The following AHDC1 variants were observed in gnomAD, a reference collection of about 807,000 sequenced individuals.
The protein encoded by AHDC1 is transcription factor Gibbin.
A neutral mutation model predicts 87.9 loss-of-function variants in AHDC1; 7 were observed. The ratio of observed to expected loss-of-function variants is 0.08; its 90% CI spans 0.05 to 0.15. The LOEUF is 0.15. Ranked by LOEUF, AHDC1 falls within the 10% of genes least tolerant of loss-of-function variation. AHDC1 has a pLI of 1.00. For missense variants in AHDC1, 1,841 were observed against 2,253.2 expected, an observed-to-expected ratio of 0.82 and a Z score of 3.70; for synonymous variants, 1,051 against 1,006.8, an observed-to-expected ratio of 1.04 and a Z score of -0.83.
rs2020080665 is a variant in AHDC1 at position 27,561,496 on chromosome 1, G to A, written c.-628-2613C>T. On this transcript the variant is annotated intron_variant, in intron 3 of 8. Coordinates refer to ENST00000673934, the MANE Select transcript of AHDC1 (RefSeq NM_001371928.1). The surrounding 1 kb of genome is among the most constrained non-coding windows in gnomAD (Gnocchi z 4.2). ...GCTGCTGGGAGGCAGAGGACAGTGTGGTGGGGGGAACACAGCAAGGAGGGG... is the reference window on the plus strand; with the variant it reads ...GCTGCTGGGAGGCAGAGGACAGTGTAGTGGGGGGAACACAGCAAGGAGGGG... 6.6e-6 allele frequency among the ~76,000 whole-genome samples: 1 copy of A among 152,220 alleles called. No individual in the cohort carries two copies. The highest frequency in any genetic ancestry group is 6.5e-5 in the Admixed American group (1 of 15,284).
At position 27,590,684 on chromosome 1, in the gene AHDC1, A is replaced by C. The variant is rs1322406542; in HGVS notation, c.-629+12713T>G. 6.6e-6 allele frequency among the ~76,000 whole-genome samples: 1 copy of C among 152,130 alleles called. No homozygotes were observed. Among genetic ancestry groups the C allele is most frequent in the Non-Finnish European group, 1.5e-5 (1 of 68,024 alleles). On this transcript the variant is annotated intron_variant, in intron 3 of 8. Transcript: ENST00000673934. The surrounding 1 kb of genome is among the most constrained non-coding windows in gnomAD (Gnocchi z 5.4). Reference sequence around the variant, plus strand: ...GCTGAGAGGCATCAGGAGAGGATTTAAGGTCCAAAGTTGGGGAAACTGAGG... The same window carrying C: ...GCTGAGAGGCATCAGGAGAGGATTTCAGGTCCAAAGTTGGGGAAACTGAGG...
Position 27,551,086 on chromosome 1 carries a change from G to A in AHDC1, c.1030C>T (p.Pro344Ser), listed in dbSNP as rs1329492781. ...LDPLPKLLDV[P>S]GRRLEPQQPL... ...TGCTGGGGCTCCAGACGGCGACCTG[G>A]GACGTCAAGCAGCTTGGGCAGGGGG... The change falls in exon 8 of 9, where the codon CCA becomes TCA. Residue 344 changes from proline (P) to serine (S), a missense_variant. Coordinates refer to ENST00000673934, the MANE Select transcript of AHDC1 (RefSeq NM_001371928.1). 9.6e-6 allele frequency: 15 copies of A among 1,566,920 alleles called. No individual in the cohort carries two copies. Among genetic ancestry groups the A allele is most frequent in the Non-Finnish European group, 1.3e-5 (15 of 1,156,594 alleles).
chr1:27,553,504 G>A (rs1032728147), intron 5 of AHDC1: 5 of 152,202 alleles, frequency 3.3e-5, no homozygotes, highest in Admixed American at 2.6e-4. Flanking sequence ...CCTGAGGTCA[G>A]AGCAATCACA....
chr1:27,591,783 G>T lies in AHDC1; in HGVS notation c.-629+11614C>A, dbSNP rs150608489. On this transcript the variant is annotated intron_variant, in intron 3 of 8. Transcript: ENST00000673934. ...AGTCCTGTGCCTTTTCTCAGCCTCA[G>T]ATTCCCCATCTGTAAAATGGGGTAA... Among the ~76,000 whole-genome samples, 64 of 152,328 alleles carry T rather than the reference G, an allele frequency of 4.2e-4. 1 individual carries two copies. The highest frequency in any genetic ancestry group is 1.5e-3 in the African/African-American group (61 of 41,562).
rs1001599664 is a variant in AHDC1, at chr1:27,598,607, T to C, written c.-629+4790A>G. On this transcript the variant is annotated intron_variant, in intron 3 of 8. Transcript: ENST00000673934. The surrounding 1 kb of genome is among the most constrained non-coding windows in gnomAD (Gnocchi z 4.2). ...TGGTCCCAGTTCCAGGCATGAGGGGTTGTTCTTGCCAACTGCACTGGGGCC... is the reference window on the plus strand; with the variant it reads ...TGGTCCCAGTTCCAGGCATGAGGGGCTGTTCTTGCCAACTGCACTGGGGCC... Among the ~76,000 whole-genome samples the C allele has an allele frequency of 1.3e-5, 2 of 151,958 alleles. No individual in the cohort carries two copies. Among genetic ancestry groups the C allele is most frequent in the Admixed American group, 6.5e-5 (1 of 15,268 alleles).
In AHDC1 at chr1:27,547,258, C is replaced by T; in HGVS notation, c.*43+3G>A. 1 of 1,505,682 alleles carries T rather than the reference C, an allele frequency of 6.6e-7. No homozygotes were observed. The highest frequency in any genetic ancestry group is 1.3e-5 in the South Asian group (1 of 74,752). The allele number at this position is 1,505,682 out of a possible 1,614,324, so 93.3% of individuals were successfully genotyped here. On this transcript the variant is annotated splice_donor_region_variant and intron_variant, in intron 8 of 8. Transcript: ENST00000673934. The surrounding 1 kb of genome is among the most constrained non-coding windows in gnomAD (Gnocchi z 4.9). The stretch of plus-strand genomic sequence containing the variant: ...CCCACTGCGCCCACATCCCCAGACT[C>T]ACCCAGGAACAAAACCTCGCGGTCC...
chr1:27,585,524 A>T (rs2148452917), intron 3 of AHDC1, among the ~76,000 whole-genome samples: 1 of 152,348 alleles, frequency 6.6e-6, no homozygotes, highest in Admixed American at 6.5e-5. Flanking sequence ...AATAAATAAA[A>T]GTTGAGCTCC....
rs201877251 is a variant in AHDC1 at position 27,548,066 on chromosome 1, G to A, written c.4050C>T (p.Asn1350=). Residue 1350 remains asparagine (N), a synonymous_variant, in exon 8 of 9, where the codon AAC becomes AAT. Coordinates refer to ENST00000673934, the MANE Select transcript of AHDC1 (RefSeq NM_001371928.1). ...AGGTGCCATCGGAAGGCGTGGACGG[G>A]TTCATGGAGTAGGGTCCTATGAAGT... The part of the protein sequence containing the change: ...PCDFIGPYSM[N]PSTPSDGTFG... 267 of 1,613,972 alleles carry A rather than the reference G, an allele frequency of 1.7e-4. No individual in the cohort carries two copies. The highest frequency in any genetic ancestry group is 2.2e-4 in the Non-Finnish European group (261 of 1,180,042).
chr1:27,579,588 T>G (rs956130143), intron 3 of AHDC1, among the ~76,000 whole-genome samples: 1 of 149,872 alleles, frequency 6.7e-6, no homozygotes, highest in African/African-American at 2.5e-5. Flanking sequence ...ATTGTTTGCT[T>G]AGATCACTGT....
chr1:27,572,330 C>G (rs2088556396), intron 3 of AHDC1, among the ~76,000 whole-genome samples: 1 of 152,114 alleles, frequency 6.6e-6, no homozygotes, highest in African/African-American at 2.4e-5. Flanking sequence ...GGAGACCTCC[C>G]TCCAGGTGTC....
chr1:27,548,034 T>G lies in AHDC1; in HGVS notation c.4082A>C (p.Gln1361Pro). The G allele has an allele frequency of 1.2e-6, 2 of 1,612,052 alleles. No homozygotes were observed. The highest frequency in any genetic ancestry group is 2.2e-5 in the South Asian group (2 of 91,056). The stretch of plus-strand genomic sequence containing the variant: ...GCTGGGCGAGTCGCAGTGGAAGCCT[T>G]GGCCAAAGGTGCCATCGGAAGGCGT... ...PSTPSDGTFG[Q>P]GFHCDSPSLG... Residue 1361 changes from glutamine to proline, a missense_variant, in exon 8 of 9, where the codon CAA becomes CCA. Transcript: ENST00000673934.
At position 27,549,445 on chromosome 1, in the gene AHDC1, G is replaced by A. The variant is rs776637247; in HGVS notation, c.2671C>T (p.Arg891Trp). 14 of 1,612,760 alleles carry A rather than the reference G, an allele frequency of 8.7e-6. No individual in the cohort carries two copies. Among genetic ancestry groups the A allele is most frequent in the Non-Finnish European group, 1.1e-5 (13 of 1,179,822 alleles). The change falls in exon 8 of 9, where the codon CGG (arginine) becomes TGG (tryptophan). Residue 891 changes from arginine to tryptophan, a missense_variant. Physicochemically the swap from Arg to Trp is moderately radical, Grantham distance 101 (BLOSUM62 -3). Transcript: ENST00000673934. ...GCCACTGGGCTGGCCTTGGCTCCCCGGCTAGGGAAGGTGGCCAGGCCCCGC... is the reference window on the plus strand; with the variant it reads ...GCCACTGGGCTGGCCTTGGCTCCCCAGCTAGGGAAGGTGGCCAGGCCCCGC... Reference protein sequence around the residue: ...AQRGLATFPSRGAKASPVAVG... With the variant: ...AQRGLATFPSWGAKASPVAVG...
chr1:27,577,296 G>A (rs1408144042), intron 3 of AHDC1, among the ~76,000 whole-genome samples: 1 of 152,186 alleles, frequency 6.6e-6, no homozygotes, highest in Non-Finnish European at 1.5e-5. Flanking sequence ...GCTCCTGGTC[G>A]GTTGCCCCAC....
intron 8 of AHDC1, among the ~76,000 whole-genome samples, chr1:27,546,242 C>T (rs900086909): frequency 1.1e-4 from 17 of 152,154 alleles, no homozygotes; most frequent in Non-Finnish European, 2.4e-4. Flanking sequence ...GGGCCAGTGG[C>T]GGCTGTATTT....
chr1:27,575,945 G>GTCGGGC (rs1159918132), intron 3 of AHDC1, among the ~76,000 whole-genome samples: 131 of 152,082 alleles, frequency 8.6e-4, no homozygotes, highest in African/African-American at 2.6e-3. Context: ...CGCGATCCGG[G>GTCGGGC]TCGGGCTCGG....
rs933733781 is a variant in AHDC1 at position 27,568,028 on chromosome 1, C to T, written c.-628-9145G>A. 19 of 152,460 alleles carry T rather than the reference C, an allele frequency of 1.2e-4. 1 individual carries two copies. The highest frequency in any genetic ancestry group is 4.6e-4 in the African/African-American group (19 of 41,586). 9.4% of individuals were successfully genotyped at this position (152,460 alleles called of 1,614,324 possible). On this transcript the variant is annotated intron_variant, in intron 3 of 8. Coordinates refer to ENST00000673934, the MANE Select transcript of AHDC1 (RefSeq NM_001371928.1). Reference sequence around the variant, plus strand: ...GTTTCCAGCTTTGATGCTCCTACCTCCTTGCTCTGTGTGACTCTGGATGCA... The same window carrying T: ...GTTTCCAGCTTTGATGCTCCTACCTTCTTGCTCTGTGTGACTCTGGATGCA...
chr1:27,568,453 G>A (rs1410486082), intron 3 of AHDC1, among the ~76,000 whole-genome samples: 1 of 152,150 alleles, frequency 6.6e-6, no homozygotes, highest in Non-Finnish European at 1.5e-5. Context: ...TCGCTCGCGT[G>A]TTCAGCCTCT....
chr1:27,566,868 G>A (rs2020344449), intron 3 of AHDC1, among the ~76,000 whole-genome samples: 2 of 151,892 alleles, frequency 1.3e-5, no homozygotes, highest in Admixed American at 1.3e-4. Flanking sequence ...TGCCATGGAG[G>A]CGGGCACGGC....
Position 27,558,074 on chromosome 1 carries a change from A to C in AHDC1, c.-225+231T>G, listed in dbSNP as rs1035858156. Among the ~76,000 whole-genome samples, 1 of 152,194 alleles carries C rather than the reference A, an allele frequency of 6.6e-6. No homozygotes were observed. Among genetic ancestry groups the C allele is most frequent in the Admixed American group, 6.5e-5 (1 of 15,288 alleles). On this transcript the variant is annotated intron_variant, in intron 5 of 8. Coordinates refer to ENST00000673934, the MANE Select transcript of AHDC1 (RefSeq NM_001371928.1). The surrounding 1 kb of genome is among the most constrained non-coding windows in gnomAD (Gnocchi z 5.6). ...CCTTTGGAAGTAGGGTGGGGTCCCC[A>C]GGCAGGCTCAGCTCTAGGGAGCTTC...
Sources: allele counts gnomAD v4.1 joint callset (sites outside exome capture counted in the v4.1 genomes callset), GRCh38; gene constraint gnomAD v4.1.1; non-coding constraint Gnocchi (gnomAD v3.1); transcripts MANE v1.5; gene names NCBI Gene and HGNC (gene_info 2026-07-23, HGNC 2026-07-21).